GLCCI1: variants seen among roughly 807,000 people sequenced by gnomAD.
GLCCI1 encodes glucocorticoid induced 1.
GLCCI1 carries 24 observed loss-of-function variants against 52.2 expected under a neutral mutation model. That is an observed-to-expected ratio of 0.46 (90% CI 0.33 to 0.65). GLCCI1 has a LOEUF of 0.65. GLCCI1 is among the 30% of genes least tolerant of loss of function. The pLI, the probability that GLCCI1 is intolerant of heterozygous loss-of-function variation, is 0.02. For missense variants in GLCCI1, 704 were observed against 701.5 expected (o/e 1.00, Z -0.04); for synonymous variants, 310 against 276.5 (o/e 1.12, Z -1.20).
Position 7,969,434 on chromosome 7 carries a change from GGGGTCCCCGCCCGCCGTCGCCGCCGCC to G in GLCCI1, c.88_114del (p.Pro31_Ser39del). The G allele has an allele frequency of 3.1e-6, 4 of 1,276,022 alleles. No individual in the cohort carries two copies. Among genetic ancestry groups the G allele is most frequent in the Non-Finnish European group, 4.0e-6 (4 of 1,005,218 alleles). The allele number at this position is 1,276,022 out of a possible 1,614,324, so 79.0% of individuals were successfully genotyped here. Reference sequence around the variant, plus strand: ...CGCAGAGGATGAGGCGCAGCGCCGCGGGGTCCCCGCCCGCCGTCGCCGCCGCCGGGAGCGGGAACGGTGCGGGCGGCG... The same window carrying G: ...CGCAGAGGATGAGGCGCAGCGCCGCGGGGAGCGGGAACGGTGCGGGCGGCG... On this transcript the variant is annotated inframe_deletion, in exon 1 of 8. Coordinates refer to ENST00000223145, the MANE Select transcript of GLCCI1 (RefSeq NM_138426.4). The surrounding 1 kb of genome is among the most constrained non-coding windows in gnomAD (Gnocchi z 4.9).
intron 3 of GLCCI1, among the ~76,000 whole-genome samples, chr7:8,023,147 C>T (rs1781529736): frequency 6.6e-6 from 1 of 152,184 alleles, no homozygotes; most frequent in South Asian, 2.1e-4. Flanking sequence ...TCCCGAGTAG[C>T]TGGGAGTACA....
intron 1 of GLCCI1, chr7:7,982,098 A>G: frequency 2.2e-6 from 1 of 452,444 alleles, no homozygotes; most frequent in South Asian, 1.8e-5. Context: ...TGATCGCAAG[A>G]GAGGAATGGC....
At chr7:8,002,978 T>A (rs1490657694) in intron 1 of GLCCI1, among the ~76,000 whole-genome samples, 2 of 152,226 alleles carry the variant, frequency 1.3e-5, no homozygotes, top group Non-Finnish European at 2.9e-5. Context: ...CTTGTTTGCA[T>A]CTCTTGTTCA....
At chr7:8,063,264 A>T (rs528627132) in intron 5 of GLCCI1, among the ~76,000 whole-genome samples, 114 of 152,012 alleles carry the variant, frequency 7.5e-4, no homozygotes, top group Non-Finnish European at 1.2e-3. Context: ...CAGCCTCCCA[A>T]ATGGCTGGGA....
At chr7:7,972,855 A>G (rs557217889) in intron 1 of GLCCI1, among the ~76,000 whole-genome samples, 1 of 152,340 alleles carries the variant, frequency 6.6e-6, no homozygotes, top group East Asian at 1.9e-4. Context: ...ACCATAATAG[A>G]AATACGTAAA....
intron 6 of GLCCI1, among the ~76,000 whole-genome samples, chr7:8,082,236 G>T (rs569056779): frequency 6.6e-6 from 1 of 152,138 alleles, no homozygotes; most frequent in South Asian, 2.1e-4. Context: ...TGGTCATATG[G>T]GTTGTTTTTA....
At chr7:8,053,638 A>G (rs921561746) in intron 3 of GLCCI1, among the ~76,000 whole-genome samples, 4 of 151,558 alleles carry the variant, frequency 2.6e-5, no homozygotes, top group African/African-American at 9.7e-5. Flanking sequence ...TTATTCCCTA[A>G]CTAATGTTTT....
chr7:8,044,437 C>T (rs1006766754), intron 3 of GLCCI1, among the ~76,000 whole-genome samples: 2 of 148,338 alleles, frequency 1.3e-5, no homozygotes, highest in African/African-American at 5.0e-5. Context: ...GGTGTGATGT[C>T]GGCTCACTGC....
chr7:7,968,883 C>G lies in GLCCI1; in HGVS notation c.-468C>G, dbSNP rs1168075843. The G allele has an allele frequency of 6.3e-6, 1 of 159,146 alleles. No individual in the cohort carries two copies. Among genetic ancestry groups the G allele is most frequent in the East Asian group, 1.9e-4 (1 of 5,374 alleles). 9.9% of individuals were successfully genotyped at this position (159,146 alleles called of 1,614,324 possible). On this transcript the variant is annotated 5_prime_UTR_variant, in exon 1 of 8. Transcript: ENST00000223145. ...CGCGGACTCCGAGGAGCGCCAGCAC[C>G]TCGAGGCCCTTTCTCTCTACCCTGG...
At chr7:8,059,254 C>G (rs559370103) in intron 4 of GLCCI1, among the ~76,000 whole-genome samples, 47 of 152,084 alleles carry the variant, frequency 3.1e-4, no homozygotes, top group Admixed American at 8.5e-4. Context: ...CAATAAGAGA[C>G]AAAAGACACT....
intron 1 of GLCCI1, among the ~76,000 whole-genome samples, chr7:7,994,324 A>G (rs1780898930): frequency 6.6e-6 from 1 of 152,228 alleles, no homozygotes; most frequent in Admixed American, 6.5e-5. Flanking sequence ...GGGTTAAATT[A>G]TTTAATGAAT....
Position 7,977,335 on chromosome 7 carries a change from C to T in GLCCI1, c.457+7528C>T, listed in dbSNP as rs74629717. 7.9e-5 allele frequency among the ~76,000 whole-genome samples: 12 copies of T among 152,280 alleles called. No homozygotes were observed. In the East Asian group the frequency reaches 2.3e-3, roughly 29 times the overall value. The stretch of plus-strand genomic sequence containing the variant: ...TTGACTGACTAGACTTGTGCTATAA[C>T]TGATTCTATAAATTTGCTTTTGGGA... On this transcript the variant is annotated intron_variant, in intron 1 of 7. Transcript: ENST00000223145.
chr7:8,016,913 C>T (rs1781391842), intron 2 of GLCCI1, among the ~76,000 whole-genome samples: 1 of 152,038 alleles, frequency 6.6e-6, no homozygotes, highest in Admixed American at 6.5e-5. Context: ...ATTGATTATA[C>T]AATTATGAAC....
chr7:8,072,710 GTTA>G (rs1782790265), intron 6 of GLCCI1, among the ~76,000 whole-genome samples: 1 of 152,108 alleles, frequency 6.6e-6, no homozygotes, highest in Admixed American at 6.5e-5. Context: ...CATATTCTTT[GTTA>G]TTAAGTACAG....
chr7:8,007,627 G>T (rs563830136), intron 2 of GLCCI1, among the ~76,000 whole-genome samples: 11 of 152,298 alleles, frequency 7.2e-5, no homozygotes, highest in African/African-American at 2.6e-4. Flanking sequence ...AGGGTGGGAA[G>T]AACTTGTTTT....
chr7:7,996,344 G>A (rs1422715664), intron 1 of GLCCI1, among the ~76,000 whole-genome samples: 1 of 151,708 alleles, frequency 6.6e-6, no homozygotes, highest in Admixed American at 6.6e-5. Flanking sequence ...GCTAAAGTTC[G>A]TTAAAGGACT....
At chr7:7,970,489 T>C (rs1780326733) in intron 1 of GLCCI1, 1 of 151,448 alleles carries the variant, frequency 6.6e-6, no homozygotes, top group African/African-American at 2.4e-5. Flanking sequence ...GTTTGTGCTC[T>C]ACCGGAGATT....
chr7:7,978,048 T>C (rs1336727543), intron 1 of GLCCI1, among the ~76,000 whole-genome samples: 1 of 152,168 alleles, frequency 6.6e-6, no homozygotes. Context: ...GAAAGCTAAA[T>C]GGGACTAGAC....
At chr7:8,031,467 A>G (rs1781746754) in intron 3 of GLCCI1, among the ~76,000 whole-genome samples, 1 of 152,070 alleles carries the variant, frequency 6.6e-6, no homozygotes, top group Non-Finnish European at 1.5e-5. Context: ...AAGAATGAGT[A>G]AGACCTAGTA....
Sources: gnomAD v4.1 joint callset for allele counts (sites outside exome capture counted in the v4.1 genomes callset) on GRCh38, gnomAD v4.1.1 for gene constraint, Gnocchi (gnomAD v3.1) non-coding constraint, MANE v1.5 for transcripts, NCBI Gene and HGNC (gene_info 2026-07-23, HGNC 2026-07-21) for gene names.